CIB1: variants seen among roughly 807,000 people sequenced by gnomAD.
The protein encoded by CIB1 is calcium and integrin-binding protein 1.
In CIB1, 19 loss-of-function variants were observed where a neutral mutation model predicts 25.0. The ratio of observed to expected loss-of-function variants is 0.76; its 90% confidence interval spans 0.53 to 1.12. The LOEUF is 1.12. Among genes scored for constraint, CIB1 ranks in the 50% most tolerant of loss-of-function variants. The pLI is 0.00. For synonymous variants in CIB1, 104 were observed against 98.5 expected (o/e 1.06, Z -0.33); for missense variants, 236 against 242.6 (o/e 0.97, Z 0.18).
chr15:90,250,279 T>C, the CIB1 span, among the ~76,000 whole-genome samples: 1 of 152,098 alleles, frequency 6.6e-6, no homozygotes, highest in Non-Finnish European at 1.5e-5. Flanking sequence ...CTCACAGCCA[T>C]CCTCTTTCCC....
At chr15:90,230,837 C>T in intron 6 of CIB1, 97 bp downstream of exon 6, 1 of 1,123,764 alleles carries the variant, frequency 8.9e-7, no homozygotes, top group African/African-American at 1.5e-5. Context: ...GGGGCTTTCT[C>T]TCACCCTGGC....
chr15:90,263,969 G>A, the CIB1 span: 1 of 1,535,990 alleles, frequency 6.5e-7, no homozygotes, highest in South Asian at 1.2e-5. Flanking sequence ...AACTGGACAG[G>A]AGAGCCGGCA....
chr15:90,230,623 G>T, intron 6 of CIB1, 118 bp from the exon 7 acceptor site: 1 of 1,105,832 alleles, frequency 9.0e-7, no homozygotes, highest in Non-Finnish European at 1.3e-6. Context: ...CCGTGTGTCA[G>T]CCCCCTCTGC....
the CIB1 span, chr15:90,241,630 G>A: frequency 7.5e-3 from 12,091 of 1,614,096 alleles, 800 homozygotes; most frequent in African/African-American, 0.14. Context: ...CTGGACCCTG[G>A]AGGCCATTTG....
chr15:90,241,525 A>G, the CIB1 span: 4 of 1,613,684 alleles, frequency 2.5e-6, no homozygotes, highest in Non-Finnish European at 3.4e-6. Flanking sequence ...GTCGGCTTCA[A>G]CAGCCTGGGA....
At chr15:90,256,568 T>G in the CIB1 span, among the ~76,000 whole-genome samples, 1 of 29,896 alleles carries the variant, frequency 3.3e-5, no homozygotes, top group Non-Finnish European at 6.6e-5. Context: ...TTTCTTTCTT[T>G]CTTTCTTTCT....
chr15:90,254,786 C>T, the CIB1 span, among the ~76,000 whole-genome samples: 1 of 152,048 alleles, frequency 6.6e-6, no homozygotes, highest in Admixed American at 6.6e-5. Context: ...GCAGAGGCCG[C>T]AGTGAGCTGA....
chr15:90,265,487 C>T, the CIB1 span: 8 of 1,404,674 alleles, frequency 5.7e-6, no homozygotes, highest in East Asian at 1.9e-4. Flanking sequence ...CCAGGAGCGT[C>T]CTGTACCTCA....
At chr15:90,234,831 G>A (rs1962598433), upstream of CIB1, among the ~76,000 whole-genome samples, 1 of 152,288 alleles carries the variant, frequency 6.6e-6, no homozygotes, top group South Asian at 2.1e-4. Context: ...TTGGCACATA[G>A]TAGGCTCTCA....
At chr15:90,237,986 T>C (rs1292381551), upstream of CIB1, among the ~76,000 whole-genome samples, 3 of 152,194 alleles carry the variant, frequency 2.0e-5, no homozygotes, top group Non-Finnish European at 4.4e-5. Flanking sequence ...CAGCTCCAGC[T>C]CAAAGGATTA....
chr15:90,233,066 A>C (rs1249534133), intron 2 of CIB1, among the ~76,000 whole-genome samples: 1 of 151,814 alleles, frequency 6.6e-6, no homozygotes, highest in Non-Finnish European at 1.5e-5. Context: ...CCTTCCCATG[A>C]GCTTATCTTT....
At chr15:90,230,799 A>G in intron 6 of CIB1, 135 bp downstream of exon 6, 2 of 851,178 alleles carry the variant, frequency 2.3e-6, no homozygotes, top group Admixed American at 1.9e-5. Context: ...CGAGACTGCC[A>G]GCTTAGCCGG....
the CIB1 span, among the ~76,000 whole-genome samples, chr15:90,255,458 G>A: frequency 6.6e-6 from 1 of 152,204 alleles, no homozygotes; most frequent in Admixed American, 6.5e-5. Context: ...GGTGGTCTGA[G>A]GGGTGTTAGA....
At chr15:90,256,077 C>A in the CIB1 span, 1 of 1,586,164 alleles carries the variant, frequency 6.3e-7, no homozygotes, top group East Asian at 2.2e-5. Context: ...AGGAAGAGCT[C>A]CATGCGGCCC....
chr15:90,231,615 G>C, intron 3 of CIB1, 108 bp from the exon 4 acceptor site: 1 of 1,316,584 alleles, frequency 7.6e-7, no homozygotes, highest in Non-Finnish European at 1.0e-6. Context: ...GCTCAGCCTC[G>C]TGGGGGTGAA....
the CIB1 span, chr15:90,263,813 G>A: frequency 4.2e-6 from 3 of 715,828 alleles, no homozygotes; most frequent in Non-Finnish European, 7.6e-6. Flanking sequence ...GTGCTCCTAA[G>A]AGGGGCTGCC....
chr15:90,247,507 C>A, the CIB1 span, among the ~76,000 whole-genome samples: 233 of 151,272 alleles, frequency 1.5e-3, 3 homozygotes, highest in Admixed American at 0.015. Context: ...CAGCCCATTT[C>A]TCCATCAGCC....
chr15:90,263,080 G>A, the CIB1 span: 4 of 1,536,130 alleles, frequency 2.6e-6, no homozygotes, highest in Non-Finnish European at 3.5e-6. Context: ...CCTGGGTATT[G>A]TAGAGCAGCT....
Position 90,230,455 on chromosome 15 carries a change from G to C in CIB1, c.*29C>G, listed in dbSNP as rs563004130. ...TCAGCAGTAGAAAGGTTCTTGGACA[G>C]GGTGCCAGGACACACGCTGGGGCTG... On this transcript the variant is annotated 3_prime_UTR_variant, in exon 7 of 7. Transcript: ENST00000328649. The C allele has an allele frequency of 3.5e-5, 54 of 1,551,376 alleles. No individual in the cohort carries two copies. The South Asian group carries it at 5.9e-4, about 17-fold the overall frequency.
Sources: gnomAD v4.1 joint callset for allele counts (sites outside exome capture counted in the v4.1 genomes callset) on GRCh38, gnomAD v4.1.1 for gene constraint, MANE v1.5 for transcripts, NCBI Gene and HGNC (gene_info 2026-07-23, HGNC 2026-07-21) for gene names.